RTN4: variants seen among roughly 807,000 people sequenced by gnomAD.
RTN4 encodes the protein reticulon-4.
A neutral mutation model predicts 90.4 loss-of-function variants in RTN4; 32 were observed. The ratio of observed to expected loss-of-function variants is 0.35; its 90% confidence interval spans 0.27 to 0.48. RTN4 has a LOEUF of 0.48. Among genes scored for constraint, RTN4 ranks in the 20% least tolerant of loss-of-function variants. The pLI is 0.99. For synonymous variants in RTN4, 629 were observed against 552.5 expected, an observed-to-expected ratio of 1.14 and a Z score of -1.94; for missense variants, 1,706 against 1,430.2, an observed-to-expected ratio of 1.19 and a Z score of -3.11.
chr2:55,132,130 T>C, the RTN4 span, among the ~76,000 whole-genome samples: 1 of 152,206 alleles, frequency 6.6e-6, no homozygotes, highest in African/African-American at 2.4e-5. Context: ...GAAACAAGAA[T>C]GGCAGTACGT....
chr2:55,119,354 A>G, the RTN4 span, among the ~76,000 whole-genome samples: 1 of 152,166 alleles, frequency 6.6e-6, no homozygotes, highest in Non-Finnish European at 1.5e-5. Flanking sequence ...CAGGCTGACG[A>G]TGGATAGGGT....
intron 1 of RTN4, among the ~76,000 whole-genome samples, chr2:55,029,082 T>C (rs1441625997): frequency 6.6e-6 from 1 of 152,116 alleles, no homozygotes; most frequent in Non-Finnish European, 1.5e-5. Context: ...GCCAAGGGGA[T>C]TAATGCCCTT....
At position 55,019,830 on chromosome 2, in the gene RTN4, C is replaced by T. The variant is rs551002080; in HGVS notation, c.3013+5256G>A. Among the ~76,000 whole-genome samples the T allele has an allele frequency of 7.2e-5, 11 of 152,152 alleles. No homozygotes were observed. In the South Asian group the frequency reaches 1.9e-3, roughly 26 times the overall value. ...TCTTATATAAAGAAAAACCTAAAGACTACCAAAAACTTGTAAATTCTGTAA... is the reference window on the plus strand; with the variant it reads ...TCTTATATAAAGAAAAACCTAAAGATTACCAAAAACTTGTAAATTCTGTAA... On this transcript the variant is annotated intron_variant, in intron 3 of 8. Transcript: ENST00000337526.
chr2:55,108,898 A>G (rs1667989546), intron 1 of RTN4, among the ~76,000 whole-genome samples: 1 of 152,248 alleles, frequency 6.6e-6, no homozygotes, highest in South Asian at 2.1e-4. Context: ...GAATAATTCC[A>G]GGAGCTCTGT....
Position 55,028,216 on chromosome 2 carries a change from C to A in RTN4, c.561G>T (p.Glu187Asp). The A allele has an allele frequency of 6.2e-7, 1 of 1,612,412 alleles. No homozygotes were observed. The highest frequency in any genetic ancestry group is 1.1e-5 in the South Asian group (1 of 90,938). The change falls in exon 2 of 9, where the codon GAG becomes GAT. Residue 187 changes from glutamate to aspartate, a missense_variant. By Grantham distance (45) the Glu-to-Asp change is conservative. Transcript: ENST00000337526. ...KRRGSSGSVDETLFALPAASE... is the reference protein window; with the variant it reads ...KRRGSSGSVDDTLFALPAASE... ...ATGCAGCAGGAAGAGCAAAAAGGGT[C>A]TCATCTGAAAAACAAATAGAATATA...
chr2:54,990,962 T>C (rs1558774042), intron 3 of RTN4, among the ~76,000 whole-genome samples: 1 of 152,196 alleles, frequency 6.6e-6, no homozygotes, highest in East Asian at 1.9e-4. Context: ...TTTTGTTTTT[T>C]TAGTAGAGAC....
At chr2:54,981,094 A>C (rs917584038) in intron 5 of RTN4, among the ~76,000 whole-genome samples, 5 of 152,216 alleles carry the variant, frequency 3.3e-5, no homozygotes, top group African/African-American at 9.7e-5. Context: ...ACTCTATACG[A>C]AAGAGGTAAG....
Position 55,103,747 on chromosome 2 carries a change from T to A in RTN4, c.-214+8773A>T, listed in dbSNP as rs543802777. 2.6e-5 allele frequency among the ~76,000 whole-genome samples: 4 copies of A among 152,174 alleles called. No homozygotes were observed. In the South Asian group the frequency reaches 8.3e-4, roughly 32 times the overall value. On this transcript the variant is annotated intron_variant, in intron 1 of 3. Coordinates refer to the RTN4 transcript ENST00000427710. ...TCTCGCTCTGTTGCCCAGAGTGGAG[T>A]GCAGTGGTGCAATCTCGGCTCACTG...
intron 3 of RTN4, among the ~76,000 whole-genome samples, chr2:55,023,512 T>C (rs1681600418): frequency 6.6e-6 from 1 of 152,072 alleles, no homozygotes; most frequent in South Asian, 2.1e-4. Flanking sequence ...TTCCACTCAC[T>C]ACAATCAAAG....
At chr2:55,047,417 A>G (rs1003853995) in intron 1 of RTN4, among the ~76,000 whole-genome samples, 1 of 152,144 alleles carries the variant, frequency 6.6e-6, no homozygotes, top group Non-Finnish European at 1.5e-5. Flanking sequence ...TTTCATAAAG[A>G]AAAAGGAAAA....
intron 2 of RTN4, among the ~76,000 whole-genome samples, chr2:55,073,170 T>G (rs1322020222): frequency 2.6e-5 from 4 of 152,234 alleles, no homozygotes; most frequent in African/African-American, 9.6e-5. Flanking sequence ...GCCATGTGTC[T>G]CACAGAAACC....
chr2:55,055,966 C>T (rs896222166), intron 2 of RTN4, among the ~76,000 whole-genome samples: 7 of 140,870 alleles, frequency 5.0e-5, no homozygotes, highest in African/African-American at 1.9e-4. Flanking sequence ...ATTTATGTAT[C>T]TATATATACA....
chr2:55,020,988 C>T (rs1681386136), intron 3 of RTN4, among the ~76,000 whole-genome samples: 1 of 151,942 alleles, frequency 6.6e-6, no homozygotes, highest in Non-Finnish European at 1.5e-5. Context: ...ACAGCAAGAA[C>T]CTGTCTCGAA....
intron 5 of RTN4, among the ~76,000 whole-genome samples, chr2:54,980,875 T>C (rs1678066609): frequency 6.6e-6 from 1 of 152,206 alleles, no homozygotes; most frequent in African/African-American, 2.4e-5. Flanking sequence ...CAGCTACGTA[T>C]AGAAGGTAAT....
chr2:55,089,127 T>C (rs1668893489), intron 1 of RTN4, among the ~76,000 whole-genome samples: 1 of 152,232 alleles, frequency 6.6e-6, no homozygotes, highest in African/African-American at 2.4e-5. Flanking sequence ...TTCACCATGT[T>C]GGCCAGGCTG....
intron 1 of RTN4, among the ~76,000 whole-genome samples, chr2:55,040,742 T>C (rs1435642484): frequency 3.9e-5 from 6 of 151,976 alleles, no homozygotes; most frequent in Admixed American, 3.9e-4. Flanking sequence ...CTCTCATAAG[T>C]ACAACCTCTA....
chr2:54,987,417 A>C (rs1678650836), intron 4 of RTN4, 74 bp downstream of exon 4: 2 of 1,072,032 alleles, frequency 1.9e-6, no homozygotes, highest in Admixed American at 3.4e-5. Context: ...AACTCTATAG[A>C]CAGTAGATGA....
intron 1 of RTN4, chr2:55,046,817 A>G (rs1427091244): frequency 6.6e-6 from 1 of 152,220 alleles, no homozygotes; most frequent in Non-Finnish European, 1.5e-5. Context: ...TACACTTACT[A>G]AAAAAACTAA....
At chr2:55,027,731 G>T (rs1682014600) in intron 2 of RTN4, among the ~76,000 whole-genome samples, 1 of 152,174 alleles carries the variant, frequency 6.6e-6, no homozygotes, top group African/African-American at 2.4e-5. Context: ...AATCAAGTCT[G>T]AGTAAACCTC....
Sources: allele counts gnomAD v4.1 joint callset (sites outside exome capture counted in the v4.1 genomes callset), GRCh38; gene constraint gnomAD v4.1.1; transcripts MANE v1.5; gene names NCBI Gene and HGNC (gene_info 2026-07-23, HGNC 2026-07-21).